Variants in SLC8A1 observed in about 807,000 individuals in gnomAD.
The protein encoded by SLC8A1 is sodium/calcium exchanger 1.
Under a neutral mutation model 68.3 loss-of-function variants are expected in SLC8A1, and 18 were observed. That is an observed-to-expected ratio of 0.26 (90% confidence interval 0.18 to 0.39). The LOEUF is 0.39. Ranked by LOEUF, SLC8A1 falls within the 10% of genes least tolerant of loss-of-function variation. SLC8A1 has a pLI of 1.00. For synonymous variants in SLC8A1, 475 were observed against 415.5 expected (o/e 1.14, Z -1.74); for missense variants, 985 against 1,156.7 (o/e 0.85, Z 2.15).
chr2:40,211,941 A>C (rs2056653584), intron 2 of SLC8A1, among the ~76,000 whole-genome samples: 2 of 152,262 alleles, frequency 1.3e-5, no homozygotes, highest in African/African-American at 4.8e-5. Flanking sequence ...GAACAGCATC[A>C]CTAGTTAATG....
intron 1 of SLC8A1, among the ~76,000 whole-genome samples, chr2:40,484,646 C>T (rs1489005675): frequency 1.3e-5 from 2 of 152,134 alleles, no homozygotes; most frequent in East Asian, 1.9e-4. Flanking sequence ...CCTTCGGAAA[C>T]GTTAAACGTG....
At chr2:40,239,189 G>T (rs2060867689) in intron 2 of SLC8A1, among the ~76,000 whole-genome samples, 1 of 152,074 alleles carries the variant, frequency 6.6e-6, no homozygotes, top group African/African-American at 2.4e-5. Context: ...TGCAAAAAGG[G>T]GCATAAAGTA....
At chr2:40,234,450 G>T (rs1437052816) in intron 2 of SLC8A1, among the ~76,000 whole-genome samples, 32 of 152,158 alleles carry the variant, frequency 2.1e-4, no homozygotes, top group African/African-American at 6.8e-4. Context: ...CATTGATTTT[G>T]TATCCTGAGA....
At chr2:40,397,516 G>A (rs1576093874) in intron 2 of SLC8A1, among the ~76,000 whole-genome samples, 1 of 152,070 alleles carries the variant, frequency 6.6e-6, no homozygotes, top group Admixed American at 6.6e-5. Flanking sequence ...ACTGATTGTG[G>A]GTGTGAAACC....
intron 1 of SLC8A1, among the ~76,000 whole-genome samples, chr2:40,436,222 T>A (rs35321042): frequency 0.049 from 7,484 of 152,162 alleles, 358 homozygotes; most frequent in East Asian, 0.25. Context: ...AGCCTGGCAC[T>A]TAGAAGATGC....
intron 2 of SLC8A1, among the ~76,000 whole-genome samples, chr2:40,343,966 G>C (rs541769064): frequency 6.6e-6 from 1 of 152,104 alleles, no homozygotes; most frequent in Non-Finnish European, 1.5e-5. Flanking sequence ...GCCAGTACCC[G>C]CATCAGGTAC....
chr2:40,212,281 A>ATGTTTTTTTTTTT lies in SLC8A1; in HGVS notation c.1809-34427_1809-34426insAAAAAAAAAAACA, dbSNP rs371395367. Among the ~76,000 whole-genome samples the ATGTTTTTTTTTTT allele has an allele frequency of 5.1e-5, 6 of 118,210 alleles. 1 individual carries two copies. The highest frequency in any genetic ancestry group is 6.2e-5 in the African/African-American group (2 of 32,260). 77.6% of individuals were successfully genotyped at this position (118,210 alleles called of 152,430 possible). On this transcript the variant is annotated intron_variant, in intron 2 of 7. Transcript: ENST00000406785. ...AGGTGCTAAACAGAAGAGATGCAAT[A>ATGTTTTTTTTTTT]TCTTTTTTTTTTTTTTTTTTCCTGA...
intron 2 of SLC8A1, among the ~76,000 whole-genome samples, chr2:40,252,938 T>G (rs2063077055): frequency 7.6e-6 from 1 of 131,022 alleles, no homozygotes. Context: ...TGTATATGTA[T>G]GTACATATAT....
intron 7 of SLC8A1, chr2:40,116,881 A>G (rs2035551755): frequency 6.6e-6 from 1 of 152,224 alleles, no homozygotes; most frequent in Non-Finnish European, 1.5e-5. Context: ...CTTGATGGGT[A>G]GAACACAGGG....
intron 2 of SLC8A1, among the ~76,000 whole-genome samples, chr2:40,362,731 C>A (rs550124112): frequency 2.0e-5 from 3 of 152,184 alleles, no homozygotes; most frequent in Non-Finnish European, 2.9e-5. Context: ...AAAGTATAAT[C>A]TTTCCTCAAT....
At chr2:40,342,142 T>C (rs1034202194) in intron 2 of SLC8A1, among the ~76,000 whole-genome samples, 1 of 152,152 alleles carries the variant, frequency 6.6e-6, no homozygotes, top group Non-Finnish European at 1.5e-5. Context: ...CTGGTAGAGA[T>C]ACAAATAATT....
At chr2:40,146,639 G>GCCTCCCC (rs199542049) in intron 6 of SLC8A1, among the ~76,000 whole-genome samples, 2 of 151,420 alleles carry the variant, frequency 1.3e-5, no homozygotes, top group African/African-American at 4.9e-5. Flanking sequence ...GGGATGGGAG[G>GCCTCCCC]CAGTGAAAGA....
Position 40,252,086 on chromosome 2 carries a change from G to A in SLC8A1, c.1809-74231C>T, listed in dbSNP as rs139144318. Among the ~76,000 whole-genome samples, 776 of 152,286 alleles carry A rather than the reference G, an allele frequency of 5.1e-3. 5 individuals carry two copies. Among genetic ancestry groups the A allele is most frequent in the Non-Finnish European group, 8.6e-3 (582 of 68,014 alleles). ...ATGGTTAATCAGTGTTGATGGATGA[G>A]CAAACTATGAATTATTTTCCCTCTT... On this transcript the variant is annotated intron_variant, in intron 2 of 7. Coordinates refer to ENST00000406785, the Ensembl canonical transcript of SLC8A1.
At chr2:40,384,375 T>G (rs1296801974) in intron 2 of SLC8A1, among the ~76,000 whole-genome samples, 2 of 152,148 alleles carry the variant, frequency 1.3e-5, no homozygotes, top group African/African-American at 4.8e-5. Context: ...TTTTGTAGAT[T>G]GTTGAAATTT....
intron 2 of SLC8A1, among the ~76,000 whole-genome samples, chr2:40,304,303 G>A (rs1024031572): frequency 4.6e-5 from 7 of 152,132 alleles, no homozygotes; most frequent in African/African-American, 1.7e-4. Context: ...AAATAAGGAG[G>A]CTGTTGGAAT....
At chr2:40,413,838 A>G (rs1692976807) in intron 2 of SLC8A1, among the ~76,000 whole-genome samples, 2 of 152,212 alleles carry the variant, frequency 1.3e-5, no homozygotes, top group Admixed American at 6.5e-5. Flanking sequence ...AAATACATAG[A>G]AAAAGAAGCA....
chr2:40,310,409 T>TTCAGATACA (rs1359534014), intron 2 of SLC8A1, among the ~76,000 whole-genome samples: 1 of 152,146 alleles, frequency 6.6e-6, no homozygotes, highest in Non-Finnish European at 1.5e-5. Flanking sequence ...GACAAAGGTG[T>TTCAGATACA]TCAGATACAC....
chr2:40,241,600 C>A (rs891526898), intron 2 of SLC8A1, among the ~76,000 whole-genome samples: 2 of 152,206 alleles, frequency 1.3e-5, no homozygotes, highest in Non-Finnish European at 2.9e-5. Context: ...CCTCCCCTAA[C>A]CTTGAGGTGT....
intron 7 of SLC8A1, among the ~76,000 whole-genome samples, chr2:40,120,261 G>A (rs529156531): frequency 6.6e-6 from 1 of 152,320 alleles, no homozygotes; most frequent in African/African-American, 2.4e-5. Flanking sequence ...CCCAGGAACT[G>A]ACACTGGCAG....
Sources: gnomAD v4.1 joint callset for allele counts (sites outside exome capture counted in the v4.1 genomes callset) on GRCh38, gnomAD v4.1.1 for gene constraint, MANE v1.5 for transcripts, NCBI Gene and HGNC (gene_info 2026-07-23, HGNC 2026-07-21) for gene names.